Variants in PARD3B observed in about 807,000 individuals in gnomAD.
The protein encoded by PARD3B is par-3 family cell polarity regulator beta, also known as partitioning defective 3 homolog B.
Under a neutral mutation model 130.2 loss-of-function variants are expected in PARD3B, and 103 were observed. The observed-to-expected ratio is 0.79, with a 90% CI of 0.67 to 0.93. The LOEUF is 0.93. Ranked by LOEUF, PARD3B falls within the 40% of genes least tolerant of loss-of-function variation. PARD3B has a pLI of 0.00. For missense variants in PARD3B, 1,609 were observed against 1,499.2 expected (o/e 1.07, Z -1.21); for synonymous variants, 583 against 553.2 (o/e 1.05, Z -0.76).
chr2:205,523,549 A>T (rs1045813380), intron 21 of PARD3B, among the ~76,000 whole-genome samples: 1 of 152,076 alleles, frequency 6.6e-6, no homozygotes, highest in African/African-American at 2.4e-5. Context: ...ATCAGTCAAC[A>T]TCAAAAATAA....
At chr2:205,343,832 A>C (rs1192043806) in intron 18 of PARD3B, among the ~76,000 whole-genome samples, 1 of 145,462 alleles carries the variant, frequency 6.9e-6, no homozygotes. Flanking sequence ...GTTCTCCTCC[A>C]CCCTCACCCC....
intron 1 of PARD3B, among the ~76,000 whole-genome samples, chr2:204,642,606 G>A (rs35932629): frequency 0.011 from 1,645 of 152,198 alleles, 13 homozygotes; most frequent in Non-Finnish European, 0.016. Flanking sequence ...TCTGGAGACT[G>A]AGAAAATATT....
At chr2:205,330,367 A>G (rs3928642) in intron 18 of PARD3B, among the ~76,000 whole-genome samples, 85,274 of 152,064 alleles carry the variant, frequency 0.56, 27,659 homozygotes, top group South Asian at 0.75. Context: ...AAATATAAAA[A>G]TTTTATGAAA....
chr2:204,596,635 T>C (rs2033300664), intron 1 of PARD3B, among the ~76,000 whole-genome samples: 1 of 152,168 alleles, frequency 6.6e-6, no homozygotes, highest in South Asian at 2.1e-4. Flanking sequence ...ATCTTTCATG[T>C]AAGCTAAACT....
rs899718495 is a variant in PARD3B at position 205,160,922 on chromosome 2, T to C, written c.1620+2015T>C. ...GCTGCACTGAAATGAAGCTCTTCCA[T>C]ATGATCCATTCATGTTCCTAGAGAG... is the stretch of plus-strand genomic sequence containing the variant. On this transcript the variant is annotated intron_variant, in intron 11 of 22. Coordinates refer to ENST00000406610, the MANE Select transcript of PARD3B (RefSeq NM_001302769.2). The surrounding 1 kb of genome is among the most constrained non-coding windows in gnomAD (Gnocchi z 4.0). Among the ~76,000 whole-genome samples, 1 of 152,182 alleles carries C rather than the reference T, an allele frequency of 6.6e-6. No homozygotes were observed. The highest frequency in any genetic ancestry group is 1.5e-5 in the Non-Finnish European group (1 of 68,022).
chr2:204,813,819 C>T (rs552389369), intron 2 of PARD3B, among the ~76,000 whole-genome samples: 2 of 152,124 alleles, frequency 1.3e-5, no homozygotes, highest in South Asian at 4.2e-4. Context: ...ATTCTGATGT[C>T]CATATACTTT....
At chr2:204,580,633 A>T (rs1320798996) in intron 1 of PARD3B, among the ~76,000 whole-genome samples, 1 of 152,136 alleles carries the variant, frequency 6.6e-6, no homozygotes, top group African/African-American at 2.4e-5. Flanking sequence ...CTTGGGTTTG[A>T]GGTGCACCTT....
At position 205,542,380 on chromosome 2, in the gene PARD3B, G is replaced by GTGTGTGTGTA. The variant is rs1392791104; in HGVS notation, c.3181-10941_3181-10940insGTGTGTATGT. 1.9e-4 allele frequency among the ~76,000 whole-genome samples: 28 copies of GTGTGTGTGTA among 147,760 alleles called. 1 individual carries two copies. Among genetic ancestry groups the GTGTGTGTGTA allele is most frequent in the South Asian group, 1.6e-3 (7 of 4,418 alleles). ...TGTGTGTGTGTGTGTGTGTGTGTGT[G>GTGTGTGTGTA]TGTATGTATGTATGTATGTGTGCTT... On this transcript the variant is annotated intron_variant, in intron 21 of 22. Coordinates refer to ENST00000406610, the MANE Select transcript of PARD3B (RefSeq NM_001302769.2).
At chr2:204,838,790 G>T (rs919957746) in intron 2 of PARD3B, among the ~76,000 whole-genome samples, 1 of 152,048 alleles carries the variant, frequency 6.6e-6, no homozygotes, top group Non-Finnish European at 1.5e-5. Flanking sequence ...ATCTTTAAAA[G>T]TATGAATGTA....
intron 1 of PARD3B, among the ~76,000 whole-genome samples, chr2:204,671,561 A>T (rs1279904686): frequency 3.9e-5 from 6 of 152,006 alleles, no homozygotes; most frequent in Non-Finnish European, 7.4e-5. Flanking sequence ...AGAAGTCATT[A>T]CTTCCTTGTC....
chr2:204,973,690 T>G (rs1456875978), intron 3 of PARD3B, among the ~76,000 whole-genome samples: 1 of 152,208 alleles, frequency 6.6e-6, no homozygotes, highest in African/African-American at 2.4e-5. Flanking sequence ...TTGCTTTATC[T>G]GATAAAGCCT....
intron 1 of PARD3B, among the ~76,000 whole-genome samples, chr2:204,600,513 T>C (rs2033465820): frequency 6.6e-6 from 1 of 151,920 alleles, no homozygotes; most frequent in African/African-American, 2.4e-5. Flanking sequence ...TCCGTTCCAT[T>C]GGTCTGTGTG....
chr2:205,558,032 C>A lies in PARD3B; in HGVS notation c.3260+4629C>A, dbSNP rs1460769469. Among the ~76,000 whole-genome samples the A allele has an allele frequency of 1.3e-5, 2 of 152,192 alleles. No individual in the cohort carries two copies. Among genetic ancestry groups the A allele is most frequent in the East Asian group, 3.9e-4 (2 of 5,186 alleles). ...TCACTGAAGCTGAAGGATTCGCCGA[C>A]TCAGGAAAGACCAGTGGTCTGGATG... On this transcript the variant is annotated intron_variant, in intron 22 of 22. Coordinates refer to ENST00000406610, the MANE Select transcript of PARD3B (RefSeq NM_001302769.2). This position sits in a 1 kb window ranked among gnomAD's most constrained non-coding sequence, Gnocchi z 4.8.
intron 2 of PARD3B, among the ~76,000 whole-genome samples, chr2:204,918,663 A>G (rs1575303891): frequency 6.6e-6 from 1 of 151,098 alleles, no homozygotes; most frequent in East Asian, 1.9e-4. Flanking sequence ...TGCTTTTTTT[A>G]CTTGCTTTTT....
chr2:205,112,010 A>G (rs911122723), intron 5 of PARD3B, among the ~76,000 whole-genome samples: 4 of 152,126 alleles, frequency 2.6e-5, no homozygotes, highest in South Asian at 2.1e-4. Flanking sequence ...TTCAGACCTT[A>G]TAATGCATAT....
rs1423868468 is a variant in PARD3B at position 204,745,396 on chromosome 2, G to C, written c.222+59114G>C. 3.8e-5 allele frequency among the ~76,000 whole-genome samples: 5 copies of C among 130,388 alleles called. No homozygotes were observed. In the South Asian group the frequency reaches 8.3e-4, roughly 22 times the overall value. 85.5% of individuals were successfully genotyped at this position (130,388 alleles called of 152,430 possible). A position where few individuals can be genotyped will look rare whatever the true frequency, so the allele number is the denominator to read the frequency against. On this transcript the variant is annotated intron_variant, in intron 2 of 22. Coordinates refer to ENST00000406610, the MANE Select transcript of PARD3B (RefSeq NM_001302769.2). ...AACCATTATAATAATCCTTTGTAAG[G>C]TAAATACTACCTTTTTTTTTTTTTG... is the stretch of plus-strand genomic sequence containing the variant.
chr2:205,522,499 TAAAA>T (rs1005693297), intron 21 of PARD3B, among the ~76,000 whole-genome samples: 1 of 151,890 alleles, frequency 6.6e-6, no homozygotes, highest in South Asian at 2.1e-4. Context: ...CTATTGTCGT[TAAAA>T]AAAATTAAAT....
chr2:204,828,199 C>T (rs1407402828), intron 2 of PARD3B, among the ~76,000 whole-genome samples: 2 of 152,146 alleles, frequency 1.3e-5, no homozygotes, highest in African/African-American at 4.8e-5. Flanking sequence ...GCAGCAATTG[C>T]TATTGTTTTT....
In PARD3B at chr2:205,572,164, T is replaced by A. The variant is rs2053581929; in HGVS notation, c.3260+18761T>A. On this transcript the variant is annotated intron_variant, in intron 22 of 22. Transcript: ENST00000406610. This position sits in a 1 kb window ranked among gnomAD's most constrained non-coding sequence, Gnocchi z 4.2. Reference sequence around the variant, plus strand: ...CCAGCACTGAGGAAGTATTCTTCCATAAAACACAGTTCTTATCTCTAGGGA... The same window carrying A: ...CCAGCACTGAGGAAGTATTCTTCCAAAAAACACAGTTCTTATCTCTAGGGA... Among the ~76,000 whole-genome samples the A allele has an allele frequency of 6.6e-6, 1 of 152,220 alleles. No homozygotes were observed. The highest frequency in any genetic ancestry group is 1.5e-5 in the Non-Finnish European group (1 of 68,038).
Sources: gnomAD v4.1 joint callset for allele counts (sites outside exome capture counted in the v4.1 genomes callset) on GRCh38, gnomAD v4.1.1 for gene constraint, Gnocchi (gnomAD v3.1) non-coding constraint, MANE v1.5 for transcripts, NCBI Gene and HGNC (gene_info 2026-07-23, HGNC 2026-07-21) for gene names.